Variants in SLC5A10 observed in about 807,000 individuals in gnomAD.
SLC5A10 encodes solute carrier family 5 member 10.
Under a neutral mutation model 68.9 loss-of-function variants are expected in SLC5A10, and 55 were observed. The ratio of observed to expected loss-of-function variants is 0.80; its 90% CI spans 0.64 to 1.00. SLC5A10 has a LOEUF of 1.00. SLC5A10 is among the 50% of genes least tolerant of loss of function. The pLI is 0.00. For synonymous variants in SLC5A10, 344 were observed against 344.8 expected, an observed-to-expected ratio of 1.00 and a Z score of 0.02; for missense variants, 732 against 819.3, an observed-to-expected ratio of 0.89 and a Z score of 1.30.
chr17:19,001,353 A>G (rs1009235313), intron 9 of SLC5A10, among the ~76,000 whole-genome samples: 1 of 152,206 alleles, frequency 6.6e-6, no homozygotes, highest in Non-Finnish European at 1.5e-5. Context: ...TGAGGAGCTT[A>G]GTCTCTACTG....
chr17:19,004,041 T>C lies in SLC5A10; in HGVS notation c.983-9369T>C, dbSNP rs758282859. On this transcript the variant is annotated intron_variant, in intron 9 of 14. Coordinates refer to ENST00000395645, the MANE Select transcript of SLC5A10 (RefSeq NM_001042450.4). The surrounding 1 kb of genome is among the most constrained non-coding windows in gnomAD (Gnocchi z 5.4). Reference sequence around the variant, plus strand: ...AGACACTGCACCTGAGAGAAGGCCATGGCGCCGCCTGCCCGGGCACTGCTG... The same window carrying C: ...AGACACTGCACCTGAGAGAAGGCCACGGCGCCGCCTGCCCGGGCACTGCTG... 6 of 1,580,400 alleles carry C rather than the reference T, an allele frequency of 3.8e-6. No individual in the cohort carries two copies. Among genetic ancestry groups the C allele is most frequent in the Admixed American group, 1.8e-5 (1 of 56,936 alleles).
intron 9 of SLC5A10, among the ~76,000 whole-genome samples, chr17:19,005,247 C>T (rs1047596128): frequency 2.6e-5 from 4 of 152,216 alleles, no homozygotes; most frequent in African/African-American, 7.2e-5. Context: ...GTTCTCAGTC[C>T]TAAGCCCTGA....
chr17:19,016,272 C>G (rs963932992), intron 11 of SLC5A10, among the ~76,000 whole-genome samples: 9 of 152,146 alleles, frequency 5.9e-5, no homozygotes, highest in Non-Finnish European at 1.0e-4. Context: ...TCTCGAACTC[C>G]TGACCTCAGG....
At chr17:18,961,673 C>T (rs1201202123) in intron 5 of SLC5A10, among the ~76,000 whole-genome samples, 1 of 152,176 alleles carries the variant, frequency 6.6e-6, no homozygotes, top group Non-Finnish European at 1.5e-5. Context: ...GAGGTAGAGG[C>T]CTCGCTGGTC....
In SLC5A10 at chr17:19,021,022, A is replaced by G. The variant is rs2044256585; in HGVS notation, c.*591A>G. The stretch of plus-strand genomic sequence containing the variant: ...CAGGCTCTGGGCAGGCCCTGCTCAT[A>G]TCCCTGATCATGGCACATTCTCTGG... On this transcript the variant is annotated 3_prime_UTR_variant, in exon 15 of 15. Coordinates refer to ENST00000395645, the MANE Select transcript of SLC5A10 (RefSeq NM_001042450.4). This position sits in a 1 kb window ranked among gnomAD's most constrained non-coding sequence, Gnocchi z 4.1. 6.5e-6 allele frequency: 1 copy of G among 152,948 alleles called. No individual in the cohort carries two copies. Among genetic ancestry groups the G allele is most frequent in the South Asian group, 2.1e-4 (1 of 4,830 alleles). The allele number at this position is 152,948 out of a possible 1,614,324, so 9.5% of individuals were successfully genotyped here. A position where few individuals can be genotyped will look rare whatever the true frequency, so the allele number is the denominator to read the frequency against.
Position 18,969,038 on chromosome 17 carries a change from C to G in SLC5A10, c.454-14C>G, listed in dbSNP as rs1486180924. On this transcript the variant is annotated splice_polypyrimidine_tract_variant and intron_variant, in intron 5 of 14. Coordinates refer to ENST00000395645, the MANE Select transcript of SLC5A10 (RefSeq NM_001042450.4). The stretch of plus-strand genomic sequence containing the variant: ...GGGAATAACAGTCCCACACAAGGCT[C>G]TCTCCCTCCGCAGCTGGACCTGTAC... 6.2e-7 allele frequency: 1 copy of G among 1,608,602 alleles called. No homozygotes were observed. Among genetic ancestry groups the G allele is most frequent in the Non-Finnish European group, 8.5e-7 (1 of 1,177,412 alleles).
In SLC5A10 at chr17:19,015,095, G is replaced by T. The variant is rs201786198; in HGVS notation, c.1137G>T (p.Ser379=). The T allele has an allele frequency of 1.2e-6, 2 of 1,612,986 alleles. No individual in the cohort carries two copies. The highest frequency in any genetic ancestry group is 1.7e-6 in the Non-Finnish European group (2 of 1,179,452). Residue 379 remains serine, a synonymous_variant, in exon 11 of 15, where the codon TCG becomes TCT. Transcript: ENST00000395645. Reference sequence around the variant, plus strand: ...CAGTGATGCTGGCGGCGCTCATGTCGTCGCTGACCTCCATCTTCAACAGCA... The same window carrying T: ...CAGTGATGCTGGCGGCGCTCATGTCTTCGCTGACCTCCATCTTCAACAGCA... ...MIAVMLAALM[S]SLTSIFNSSS...
At position 18,968,982 on chromosome 17, in the gene SLC5A10, G is replaced by A; in HGVS notation, c.454-70G>A. The A allele has an allele frequency of 6.7e-7, 1 of 1,493,636 alleles. No homozygotes were observed. The highest frequency in any genetic ancestry group is 2.3e-5 in the East Asian group (1 of 43,030). 92.5% of individuals were successfully genotyped at this position (1,493,636 alleles called of 1,614,324 possible). A position where few individuals can be genotyped will look rare whatever the true frequency, so the allele number is the denominator to read the frequency against. Reference sequence around the variant, plus strand: ...GAGGCCCAGAGAGGGCCTTGCCCGAGGTCACCCAGGGAGTGGCTTGCTGGA... The same window carrying A: ...GAGGCCCAGAGAGGGCCTTGCCCGAAGTCACCCAGGGAGTGGCTTGCTGGA... On this transcript the variant is annotated intron_variant, in intron 5 of 14. Transcript: ENST00000395645. The surrounding 1 kb of genome is among the most constrained non-coding windows in gnomAD (Gnocchi z 4.1).
chr17:18,971,348 G>C lies in SLC5A10; in HGVS notation c.846+130G>C. The C allele has an allele frequency of 6.3e-7, 1 of 1,598,404 alleles. No homozygotes were observed. Among genetic ancestry groups the C allele is most frequent in the Non-Finnish European group, 8.5e-7 (1 of 1,174,320 alleles). On this transcript the variant is annotated intron_variant, in intron 8 of 14. Transcript: ENST00000395645. The surrounding 1 kb of genome is among the most constrained non-coding windows in gnomAD (Gnocchi z 5.5). ...GCCTCAGAAGGTGTGGCTCCAGGCT[G>C]GGACATGCTGCTAGGGGTCTTTGCG...
intron 9 of SLC5A10, among the ~76,000 whole-genome samples, chr17:18,985,345 C>A (rs2043243776): frequency 6.6e-6 from 1 of 152,208 alleles, no homozygotes; most frequent in South Asian, 2.1e-4. Context: ...GCAGGTGGCA[C>A]AGCTGGGGCT....
intron 9 of SLC5A10, among the ~76,000 whole-genome samples, chr17:18,994,926 AT>A (rs2043525281): frequency 6.6e-6 from 1 of 152,214 alleles, no homozygotes; most frequent in South Asian, 2.1e-4. Context: ...GGGGTCCATA[AT>A]TTGCAACTCC....
rs1340252470 is a variant in SLC5A10 at position 18,971,593 on chromosome 17, G to A, written c.846+375G>A. 6.2e-7 allele frequency: 1 copy of A among 1,613,616 alleles called. No individual in the cohort carries two copies. Among genetic ancestry groups the A allele is most frequent in the Non-Finnish European group, 8.5e-7 (1 of 1,180,024 alleles). On this transcript the variant is annotated intron_variant, in intron 8 of 14. Coordinates refer to ENST00000395645, the MANE Select transcript of SLC5A10 (RefSeq NM_001042450.4). The surrounding 1 kb of genome is among the most constrained non-coding windows in gnomAD (Gnocchi z 5.5). ...GCAGGCGGGGTACCTGACCTCCCTT[G>A]GCCTGCCAGTGGTGGGGGCCAGCCA...
At chr17:18,999,844 T>A (rs1426655628) in intron 9 of SLC5A10, among the ~76,000 whole-genome samples, 1 of 152,234 alleles carries the variant, frequency 6.6e-6, no homozygotes, top group East Asian at 1.9e-4. Context: ...GCCCTCAGTT[T>A]CCTCAACTGT....
At chr17:18,993,965 C>T (rs949049681) in intron 9 of SLC5A10, among the ~76,000 whole-genome samples, 1 of 152,232 alleles carries the variant, frequency 6.6e-6, no homozygotes, top group Non-Finnish European at 1.5e-5. Context: ...TCCTCGTCCT[C>T]CCACCAACCC....
chr17:18,961,120 C>A (rs867112207), intron 5 of SLC5A10, among the ~76,000 whole-genome samples: 1 of 152,186 alleles, frequency 6.6e-6, no homozygotes, highest in African/African-American at 2.4e-5. Flanking sequence ...CCTGCCCCCA[C>A]GGGCATATTA....
rs760306747 is a variant in SLC5A10 at position 19,003,914 on chromosome 17, C to T, written c.983-9496C>T. The T allele has an allele frequency of 1.9e-6, 3 of 1,612,856 alleles. No homozygotes were observed. The highest frequency in any genetic ancestry group is 2.7e-5 in the African/African-American group (2 of 74,922). On this transcript the variant is annotated intron_variant, in intron 9 of 14. Transcript: ENST00000395645. The surrounding 1 kb of genome is among the most constrained non-coding windows in gnomAD (Gnocchi z 4.5). ...CTTGAGCACCTCGTAGAAGGCGTCC[C>T]GGCCGCGGGCCACCAGGGCCTCCAG... is the stretch of plus-strand genomic sequence containing the variant.
chr17:18,978,129 C>T (rs753833526), intron 9 of SLC5A10: 1 of 1,520,362 alleles, frequency 6.6e-7, no homozygotes, highest in Admixed American at 2.1e-5. Flanking sequence ...AGTACATCTG[C>T]CACAGGGACT....
chr17:19,015,208 G>GTGGGGGCCGGTACGGGGA lies in SLC5A10; in HGVS notation c.1241+17_1241+18insGGTACGGGGATGGGGGCC, dbSNP rs761081627. On this transcript the variant is annotated intron_variant, in intron 11 of 14. Coordinates refer to ENST00000395645, the MANE Select transcript of SLC5A10 (RefSeq NM_001042450.4). Reference sequence around the variant, plus strand: ...CTCCTGCTGGTGGGACGGTACGGGGGTGGGGGCCAGTACGGGGGTGGGGGA... The same window carrying GTGGGGGCCGGTACGGGGA: ...CTCCTGCTGGTGGGACGGTACGGGGGTGGGGGCCGGTACGGGGATGGGGGCCAGTACGGGGGTGGGGGA... The GTGGGGGCCGGTACGGGGA allele has an allele frequency of 4.9e-6, 7 of 1,421,656 alleles. No homozygotes were observed. Among genetic ancestry groups the GTGGGGGCCGGTACGGGGA allele is most frequent in the African/African-American group, 2.7e-5 (2 of 73,708 alleles). The allele number at this position is 1,421,656 out of a possible 1,614,324, so 88.1% of individuals were successfully genotyped here. A position where few individuals can be genotyped will look rare whatever the true frequency, so the allele number is the denominator to read the frequency against.
chr17:19,002,729 C>T (rs115250081), intron 9 of SLC5A10, among the ~76,000 whole-genome samples: 7,873 of 152,282 alleles, frequency 0.052, 270 homozygotes, highest in African/African-American at 0.089. Context: ...GCTGTCTCTG[C>T]AAATGGCAAG....
Sources: allele counts gnomAD v4.1 joint callset (sites outside exome capture counted in the v4.1 genomes callset), GRCh38; gene constraint gnomAD v4.1.1; non-coding constraint Gnocchi (gnomAD v3.1); transcripts MANE v1.5; gene names NCBI Gene and HGNC (gene_info 2026-07-23, HGNC 2026-07-21).